PUS7L: variants seen among roughly 807,000 people sequenced by gnomAD.
PUS7L encodes the protein pseudouridylate synthase PUS7L.
Under a neutral mutation model 51.1 loss-of-function variants are expected in PUS7L, and 49 were observed. The ratio of observed to expected loss-of-function variants is 0.96; its 90% CI spans 0.76 to 1.22. PUS7L has a LOEUF of 1.22. PUS7L is among the 50% of genes most tolerant of loss of function. The probability of loss-of-function intolerance (pLI) is 0.00; values close to 1 mark genes in which losing one functional copy is unlikely to be tolerated. For missense variants in PUS7L, 828 were observed against 820.6 expected, an observed-to-expected ratio of 1.01 and a Z score of -0.11; for synonymous variants, 277 against 276.2, an observed-to-expected ratio of 1.00 and a Z score of -0.03.
In PUS7L at chr12:43,719,906, G is replaced by A. The variant is rs1944377325; in HGVS notation, c.*10470C>T. The A allele has an allele frequency of 6.6e-6, 1 of 152,054 alleles. No individual in the cohort carries two copies. The highest frequency in any genetic ancestry group is 2.1e-4 in the South Asian group (1 of 4,818). 9.4% of individuals were successfully genotyped at this position (152,054 alleles called of 1,614,324 possible). ...AGTATTTTCAACAAACCAACTTTTG[G>A]ATTTGTAGATCGTCTCTTCTATTCT... On this transcript the variant is annotated 3_prime_UTR_variant, in exon 9 of 9. Transcript: ENST00000344862.
chr12:43,718,999 TA>T lies in PUS7L; in HGVS notation c.*11376del, dbSNP rs1346098065. On this transcript the variant is annotated 3_prime_UTR_variant, in exon 9 of 9. Transcript: ENST00000344862. ...AGTTTCCTCAAACCAAAGGATGTTT[TA>T]TAATATTTATTCTTGCATTCTAAAA... 1.3e-5 allele frequency: 2 copies of T among 151,202 alleles called. No individual in the cohort carries two copies. Among genetic ancestry groups the T allele is most frequent in the Admixed American group, 1.3e-4 (2 of 15,130 alleles). 9.4% of individuals were successfully genotyped at this position (151,202 alleles called of 1,614,324 possible).
Position 43,724,024 on chromosome 12 carries a change from C to G in PUS7L, c.*6352G>C, listed in dbSNP as rs1182317966. ...CCGCAAAATAATACACAAATATACT[C>G]ATGTTTGAAATTCAAACATCAAAAG... On this transcript the variant is annotated 3_prime_UTR_variant, in exon 9 of 9. Transcript: ENST00000344862. 7.2e-5 allele frequency: 11 copies of G among 152,084 alleles called. No individual in the cohort carries two copies. The highest frequency in any genetic ancestry group is 1.6e-4 in the Non-Finnish European group (11 of 67,952). 9.4% of individuals were successfully genotyped at this position (152,084 alleles called of 1,614,324 possible). A position where few individuals can be genotyped will look rare whatever the true frequency, so the allele number is the denominator to read the frequency against.
At chr12:43,737,425 A>G (rs569086749) in intron 6 of PUS7L, among the ~76,000 whole-genome samples, 1 of 152,194 alleles carries the variant, frequency 6.6e-6, no homozygotes, top group Admixed American at 6.5e-5. Context: ...AGCTGCACAT[A>G]TGTAATATGT....
At chr12:43,753,838 T>A (rs541752670) in intron 2 of PUS7L, among the ~76,000 whole-genome samples, 1 of 152,176 alleles carries the variant, frequency 6.6e-6, no homozygotes, top group East Asian at 1.9e-4. Context: ...TTTCAGAACA[T>A]CTTGTCTAAA....
intron 1 of PUS7L, 94 bp downstream of exon 1, chr12:43,758,636 C>T (rs945409661): frequency 6.1e-5 from 59 of 959,378 alleles, no homozygotes; most frequent in Admixed American, 2.1e-4. Context: ...GGTATGGATC[C>T]TCAATGCCAA....
intron 4 of PUS7L, 196 bp from the exon 5 acceptor site, chr12:43,742,751 A>C: frequency 1.7e-6 from 1 of 597,952 alleles, no homozygotes; most frequent in Non-Finnish European, 2.1e-6. Context: ...TAGAAGTTAG[A>C]ACATAAAACC....
chr12:43,731,543 G>A (rs979967379), intron 8 of PUS7L, among the ~76,000 whole-genome samples, 162 bp downstream of exon 8: 5 of 152,082 alleles, frequency 3.3e-5, no homozygotes, highest in African/African-American at 1.2e-4. Context: ...GTTTATCAAA[G>A]TCTATACAAT....
At position 43,755,231 on chromosome 12, in the gene PUS7L, T is replaced by C; in HGVS notation, c.15A>G (p.Thr5=). Residue 5 remains threonine, a synonymous_variant, in exon 2 of 9, where the codon ACA becomes ACG. Transcript: ENST00000344862. ...AAGAACTAAACCTGATTCTATAATCTGTATCTTCTTCCATTCTTCTATAAC... is the reference window on the plus strand; with the variant it reads ...AAGAACTAAACCTGATTCTATAATCCGTATCTTCTTCCATTCTTCTATAAC... The part of the protein sequence containing the change: MEED[T]DYRIRFSSLC... The C allele has an allele frequency of 1.3e-6, 2 of 1,592,926 alleles. No individual in the cohort carries two copies. Among genetic ancestry groups the C allele is most frequent in the South Asian group, 1.1e-5 (1 of 87,956 alleles).
intron 4 of PUS7L, chr12:43,742,829 G>T: frequency 4.8e-6 from 1 of 207,150 alleles, no homozygotes; most frequent in Non-Finnish European, 8.5e-6. Flanking sequence ...TGGGATGTGA[G>T]ATTTTCAGTG....
chr12:43,736,573 G>A lies in PUS7L; in HGVS notation c.1533C>T (p.Thr511=), dbSNP rs774407696. The A allele has an allele frequency of 1.3e-5, 21 of 1,613,870 alleles. No individual in the cohort carries two copies. Among genetic ancestry groups the A allele is most frequent in the South Asian group, 3.3e-5 (3 of 91,076 alleles). Reference sequence around the variant, plus strand: ...ACCATGCCTGGATACAACCTTCCTCGGTCATGCCAAAGCGGTGCAATGCCT... The same window carrying A: ...ACCATGCCTGGATACAACCTTCCTCAGTCATGCCAAAGCGGTGCAATGCCT... ...LLEALHRFGM[T]EEGCIQAWFS... The change falls in exon 7 of 9, where the codon ACC becomes ACT. Residue 511 remains threonine, a synonymous_variant. Coordinates refer to ENST00000344862, the MANE Select transcript of PUS7L (RefSeq NM_031292.5).
intron 6 of PUS7L, 57 bp downstream of exon 6, chr12:43,738,253 T>G: frequency 1.1e-6 from 1 of 889,176 alleles, no homozygotes; most frequent in Non-Finnish European, 1.9e-6. Context: ...TGATAAAACA[T>G]TTATAGTGTG....
rs537929120 is a variant in PUS7L, at chr12:43,747,126, G to A, written c.1071-888C>T. Among the ~76,000 whole-genome samples, 5 of 152,216 alleles carry A rather than the reference G, an allele frequency of 3.3e-5. No individual in the cohort carries two copies. In the East Asian group the frequency reaches 5.8e-4, roughly 18 times the overall value. On this transcript the variant is annotated intron_variant, in intron 3 of 8. Transcript: ENST00000344862. ...CTAAGAATTAATATATCGATATTAC[G>A]TTAATTAGGCTGAATTTTGACCCAA... is the stretch of plus-strand genomic sequence containing the variant.
intron 5 of PUS7L, chr12:43,738,817 G>A (rs1399648775): frequency 6.7e-6 from 2 of 300,308 alleles, no homozygotes; most frequent in Non-Finnish European, 1.3e-5. Flanking sequence ...CTTTTTTGCA[G>A]TCATTTCAGG....
chr12:43,754,823 G>A lies in PUS7L; in HGVS notation c.423C>T (p.Ala141=). The A allele has an allele frequency of 6.2e-7, 1 of 1,613,736 alleles. No homozygotes were observed. Among genetic ancestry groups the A allele is most frequent in the Non-Finnish European group, 8.5e-7 (1 of 1,179,874 alleles). Residue 141 remains alanine (A), a synonymous_variant, in exon 2 of 9, where the codon GCC becomes GCT. Transcript: ENST00000344862. ...EKTHELLNNF[A]CDVREKWLSK... Reference sequence around the variant, plus strand: ...AAAGCCACTTCTCTCTTACATCACAGGCAAAATTATTCAGTAACTCATGAG... The same window carrying A: ...AAAGCCACTTCTCTCTTACATCACAAGCAAAATTATTCAGTAACTCATGAG...
At position 43,736,672 on chromosome 12, in the gene PUS7L, G is replaced by A. The variant is rs764725567; in HGVS notation, c.1445-11C>T. 6.2e-7 allele frequency: 1 copy of A among 1,609,182 alleles called. No individual in the cohort carries two copies. Among genetic ancestry groups the A allele is most frequent in the African/African-American group, 1.3e-5 (1 of 74,786 alleles). ...TGCCTTTAGCATCCTCTGAAACAAAGGGTAAATCAGGTATAGTTAGCCACT... is the reference window on the plus strand; with the variant it reads ...TGCCTTTAGCATCCTCTGAAACAAAAGGTAAATCAGGTATAGTTAGCCACT... On this transcript the variant is annotated splice_polypyrimidine_tract_variant and intron_variant, in intron 6 of 8. Coordinates refer to ENST00000344862, the MANE Select transcript of PUS7L (RefSeq NM_031292.5).
chr12:43,758,437 C>A (rs769143631), intron 1 of PUS7L: 99 of 985,394 alleles, frequency 1.0e-4, no homozygotes, highest in Non-Finnish European at 1.2e-4. Context: ...TGAGAAGGTA[C>A]TAGAAATACT....
chr12:43,723,044 G>A lies in PUS7L; in HGVS notation c.*7332C>T, dbSNP rs1004240437. The A allele has an allele frequency of 6.6e-6, 1 of 152,050 alleles. No homozygotes were observed. Among genetic ancestry groups the A allele is most frequent in the Non-Finnish European group, 1.5e-5 (1 of 67,942 alleles). 9.4% of individuals were successfully genotyped at this position (152,050 alleles called of 1,614,324 possible). ...CAGGAGTTTTATTTCTACATTGGTA[G>A]TTGAGTTTCTAACAAAAAAGACAAT... On this transcript the variant is annotated 3_prime_UTR_variant, in exon 9 of 9. Transcript: ENST00000344862.
chr12:43,731,754 T>G lies in PUS7L; in HGVS notation c.1730A>C (p.His577Pro). 1 of 1,566,864 alleles carries G rather than the reference T, an allele frequency of 6.4e-7. No individual in the cohort carries two copies. Among genetic ancestry groups the G allele is most frequent in the Non-Finnish European group, 8.7e-7 (1 of 1,144,424 alleles). The change falls in exon 8 of 9, where the codon CAC becomes CCC. Residue 577 changes from histidine (H) to proline (P), a missense_variant. His to Pro is a moderately conservative substitution (Grantham distance 77). Transcript: ENST00000344862. ...TGATCCCTCCTCTTCAGTTACCAGG[T>G]GAATCTAGTTTTAAAAAACATGAAA... ...DDENFPNSKI[H>P]LVTEEEGSAN... is the part of the protein sequence containing the mutation.
In PUS7L at chr12:43,723,247, T is replaced by TA. The variant is rs1322465527; in HGVS notation, c.*7128dup. ...GAGAAAATGAATTGCTTAAGAAGATTAGAGTCATTTTCTTTACTTAGAGGT... is the reference window on the plus strand; with the variant it reads ...GAGAAAATGAATTGCTTAAGAAGATTAAGAGTCATTTTCTTTACTTAGAGGT... On this transcript the variant is annotated 3_prime_UTR_variant, in exon 9 of 9. Transcript: ENST00000344862. 6.6e-6 allele frequency: 1 copy of TA among 152,080 alleles called. No individual in the cohort carries two copies. The highest frequency in any genetic ancestry group is 2.4e-5 in the African/African-American group (1 of 41,434). The allele number at this position is 152,080 out of a possible 1,614,324, so 9.4% of individuals were successfully genotyped here.
Sources: allele counts gnomAD v4.1 joint callset (sites outside exome capture counted in the v4.1 genomes callset), GRCh38; gene constraint gnomAD v4.1.1; transcripts MANE v1.5; gene names NCBI Gene and HGNC (gene_info 2026-07-23, HGNC 2026-07-21).